The following IWS1 variants were observed in gnomAD, a reference collection of about 807,000 sequenced individuals.
The protein encoded by IWS1 is interacts with SUPT6H, CTD assembly factor 1.
IWS1 carries 27 observed loss-of-function variants against 86.7 expected under a neutral mutation model. That is an observed-to-expected ratio of 0.31 (90% CI 0.23 to 0.43). The LOEUF (loss-of-function observed/expected upper bound fraction) is 0.43. Among genes scored for constraint, IWS1 ranks in the 20% least tolerant of loss-of-function variants. The pLI, the probability that IWS1 is intolerant of heterozygous loss-of-function variation, is 1.00. For synonymous variants in IWS1, 313 were observed against 335.1 expected (o/e 0.93, Z 0.72); for missense variants, 827 against 1,000.8 (o/e 0.83, Z 2.34).
At chr2:127,513,615 C>T (rs1033400795) in intron 2 of IWS1, among the ~76,000 whole-genome samples, 1 of 152,102 alleles carries the variant, frequency 6.6e-6, no homozygotes, top group African/African-American at 2.4e-5. Flanking sequence ...AAGGGTTCTT[C>T]GCAAGGTTCT....
chr2:127,523,854 G>A (rs1692242784), intron 1 of IWS1, 63 bp from the exon 2 acceptor site: 5 of 1,061,760 alleles, frequency 4.7e-6, no homozygotes, highest in African/African-American at 3.2e-5. Context: ...ACAGTGAAAT[G>A]AACACACTGA....
chr2:127,509,389 C>T (rs1444336137), intron 2 of IWS1, among the ~76,000 whole-genome samples: 3 of 152,128 alleles, frequency 2.0e-5, no homozygotes, highest in African/African-American at 7.2e-5. Flanking sequence ...ATTGAGCACT[C>T]AGAAGGTCCT....
rs374766966 is a variant in IWS1, at chr2:127,505,265, C to T, written c.638G>A (p.Ser213Asn). 6.2e-6 allele frequency: 10 copies of T among 1,613,614 alleles called. No individual in the cohort carries two copies. In the African/African-American group the frequency reaches 1.3e-4, roughly 22 times the overall value. The change falls in exon 3 of 14, where the codon AGT becomes AAT. Residue 213 changes from serine to asparagine, a missense_variant. By Grantham distance (46) the Ser-to-Asn change is conservative (BLOSUM62 1). Transcript: ENST00000295321. The surrounding 1 kb of genome is among the most constrained non-coding windows in gnomAD (Gnocchi z 5.0). ...PPKPRMSDSE[S>N]EELPKPQVSD... ...GACCTGAGGTTTAGGAAGCTCCTCA[C>T]TTTCAGAATCACTCATTCGAGGTTT... is the stretch of plus-strand genomic sequence containing the variant.
At chr2:127,515,052 A>C (rs1038087976) in intron 2 of IWS1, 2 of 152,244 alleles carry the variant, frequency 1.3e-5, no homozygotes, top group African/African-American at 4.8e-5. Flanking sequence ...AGCAATTCCA[A>C]TAGCTGCATT....
At position 127,505,342 on chromosome 2, in the gene IWS1, A is replaced by C. The variant is rs770409238; in HGVS notation, c.561T>G (p.Ser187Arg). The C allele has an allele frequency of 1.6e-5, 26 of 1,613,688 alleles. No homozygotes were observed. The highest frequency in any genetic ancestry group is 2.7e-5 in the African/African-American group (2 of 74,798). The change falls in exon 3 of 14, where the codon AGT (serine) becomes AGG (arginine). Residue 187 changes from serine (S) to arginine (R), a missense_variant. Around this residue, in one of 2 missense-constraint regions of IWS1, gnomAD observed 548 missense variants for 560.2 expected, o/e 0.98. Coordinates refer to ENST00000295321, the MANE Select transcript of IWS1 (RefSeq NM_017969.3). The surrounding 1 kb of genome is among the most constrained non-coding windows in gnomAD (Gnocchi z 5.0). Reference sequence around the variant, plus strand: ...TGGCTTGGTGCCTTGGGGGTTCCTCACTCTCAGAGTCACTGATTTGAGGTT... The same window carrying C: ...TGGCTTGGTGCCTTGGGGGTTCCTCCCTCTCAGAGTCACTGATTTGAGGTT... ...ALKPQISDSESEEPPRHQASD... is the reference protein window; with the variant it reads ...ALKPQISDSEREEPPRHQASD...
chr2:127,526,459 T>C lies in IWS1; in HGVS notation c.-251A>G. The C allele has an allele frequency of 6.5e-7, 1 of 1,531,980 alleles. No individual in the cohort carries two copies. The highest frequency in any genetic ancestry group is 1.4e-5 in the African/African-American group (1 of 72,852). 94.9% of individuals were successfully genotyped at this position (1,531,980 alleles called of 1,614,324 possible). ...GCATGCGAGCCGGCGTTCTACTTCC[T>C]AGAAGCACCGCTGGGGCCAAAATGG... On this transcript the variant is annotated 5_prime_UTR_variant, in exon 1 of 14. Transcript: ENST00000295321.
chr2:127,496,022 G>A lies in IWS1; in HGVS notation c.1692C>T (p.Ile564=), dbSNP rs753294967. The A allele has an allele frequency of 2.0e-5, 32 of 1,613,090 alleles. No individual in the cohort carries two copies. The East Asian group carries it at 3.8e-4, about 19-fold the overall frequency. ...CCTCAGCAGCTTCATTCATCTTGACGATCATGGCACTCACGACGTCGTCTG... is the reference window on the plus strand; with the variant it reads ...CCTCAGCAGCTTCATTCATCTTGACAATCATGGCACTCACGACGTCGTCTG... ...SDADDVVSAM[I]VKMNEAAEED... Residue 564 remains isoleucine, a synonymous_variant, in exon 7 of 14, where the codon ATC becomes ATT. Coordinates refer to ENST00000295321, the MANE Select transcript of IWS1 (RefSeq NM_017969.3).
chr2:127,487,999 T>A (rs1690021113), intron 12 of IWS1: 2 of 152,492 alleles, frequency 1.3e-5, no homozygotes, highest in South Asian at 4.1e-4. Context: ...TCCCCTATTC[T>A]CTTCTTGCAA....
chr2:127,481,329 G>C (rs994336135), intron 13 of IWS1, among the ~76,000 whole-genome samples, 154 bp from the exon 14 acceptor site: 1 of 152,080 alleles, frequency 6.6e-6, no homozygotes, highest in Non-Finnish European at 1.5e-5. Flanking sequence ...AACAAAGCAA[G>C]TATAGATGGT....
chr2:127,512,695 A>T (rs1351818203), intron 2 of IWS1, among the ~76,000 whole-genome samples: 1 of 152,208 alleles, frequency 6.6e-6, no homozygotes, highest in African/African-American at 2.4e-5. Flanking sequence ...CTTGGCTACT[A>T]AGCCCATCCT....
At chr2:127,514,002 T>TA (rs1474365694) in intron 2 of IWS1, among the ~76,000 whole-genome samples, 1 of 152,240 alleles carries the variant, frequency 6.6e-6, no homozygotes, top group African/African-American at 2.4e-5. Context: ...ACTGAGCTGC[T>TA]AAAGCACCTG....
In IWS1 at chr2:127,494,874, C is replaced by A; in HGVS notation, c.1797G>T (p.Lys599Asn). 6.4e-7 allele frequency: 1 copy of A among 1,567,382 alleles called. No individual in the cohort carries two copies. The highest frequency in any genetic ancestry group is 1.2e-5 in the South Asian group (1 of 83,450). Residue 599 changes from lysine (K) to asparagine (N), a missense_variant and splice_region_variant, in exon 8 of 14, where the codon AAG becomes AAT. By Grantham distance (94) the Lys-to-Asn change is moderately conservative. Transcript: ENST00000295321. ...TTTAAAGAAAACAAAATACTTACTT[C>A]TTAAGGTGCATAACTACAGCAGGCA... ...TLLPAVVMHL[K>N]KQDLKETFID...
In IWS1 at chr2:127,519,019, C is replaced by T. The variant is rs147235018; in HGVS notation, c.150+4657G>A. Reference sequence around the variant, plus strand: ...GACCAACACAGCATTGTTACTGATCCTAACTTTAAAGATTTTGATATTTTG... The same window carrying T: ...GACCAACACAGCATTGTTACTGATCTTAACTTTAAAGATTTTGATATTTTG... On this transcript the variant is annotated intron_variant, in intron 2 of 13. Coordinates refer to ENST00000295321, the MANE Select transcript of IWS1 (RefSeq NM_017969.3). Among the ~76,000 whole-genome samples the T allele has an allele frequency of 7.5e-4, 114 of 152,192 alleles. 1 individual carries two copies. The highest frequency in any genetic ancestry group is 2.7e-3 in the African/African-American group (112 of 41,528).
At chr2:127,498,820 C>T (rs772405823) in intron 5 of IWS1, 7 of 152,138 alleles carry the variant, frequency 4.6e-5, no homozygotes, top group Non-Finnish European at 8.8e-5. Context: ...GATGGAAAAA[C>T]AAATCTCAGG....
chr2:127,489,296 A>G lies in IWS1; in HGVS notation c.2160-61T>C, dbSNP rs913375853. ...TTAGAACCTAATAACTCAGAAAAAG[A>G]GCAAACTAAAAATCAAACTTAGACC... is the stretch of plus-strand genomic sequence containing the variant. On this transcript the variant is annotated intron_variant, in intron 11 of 13. Coordinates refer to ENST00000295321, the MANE Select transcript of IWS1 (RefSeq NM_017969.3). This position sits in a 1 kb window ranked among gnomAD's most constrained non-coding sequence, Gnocchi z 4.8. 1.6e-6 allele frequency: 2 copies of G among 1,246,640 alleles called. No individual in the cohort carries two copies. Among genetic ancestry groups the G allele is most frequent in the Non-Finnish European group, 2.3e-6 (2 of 863,976 alleles). The allele number at this position is 1,246,640 out of a possible 1,614,324, so 77.2% of individuals were successfully genotyped here.
At chr2:127,487,741 G>A (rs1690002579) in intron 12 of IWS1, among the ~76,000 whole-genome samples, 1 of 152,086 alleles carries the variant, frequency 6.6e-6, no homozygotes, top group Non-Finnish European at 1.5e-5. Context: ...TAGTAGAGAT[G>A]GGGTTTCTCC....
Position 127,481,039 on chromosome 2 carries a change from C to T in IWS1, c.*5G>A, listed in dbSNP as rs1689597290. 2 of 1,603,286 alleles carry T rather than the reference C, an allele frequency of 1.2e-6. No individual in the cohort carries two copies. The highest frequency in any genetic ancestry group is 3.5e-5 in the Admixed American group (2 of 56,932). ...AGTAGAGATGGGGACACATTCCAGGCAAGGTCACAATGGCATTTTGTTGCC... is the reference window on the plus strand; with the variant it reads ...AGTAGAGATGGGGACACATTCCAGGTAAGGTCACAATGGCATTTTGTTGCC... On this transcript the variant is annotated 3_prime_UTR_variant, in exon 14 of 14. Transcript: ENST00000295321.
rs776729957 is a variant in IWS1, at chr2:127,504,975, C to A, written c.928G>T (p.Gly310Trp). 1.2e-6 allele frequency: 2 copies of A among 1,613,924 alleles called. No individual in the cohort carries two copies. The highest frequency in any genetic ancestry group is 4.5e-5 in the East Asian group (2 of 44,878). Residue 310 changes from glycine (G) to tryptophan (W), a missense_variant, in exon 3 of 14, where the codon GGG (glycine) becomes TGG (tryptophan). Transcript: ENST00000295321. ...TCAGTTTCTGAGTCACTGGCAGGCC[C>A]CTTCTGAGGCCCCTCACTCTCAGAG... ...SDSESEGPQKGPASDSETEDA... is the reference protein window; with the variant it reads ...SDSESEGPQKWPASDSETEDA...
intron 8 of IWS1, among the ~76,000 whole-genome samples, chr2:127,494,245 T>TAAAAAAAAAAAAAAAAAAAA (rs11327472): frequency 1.1e-5 from 1 of 94,090 alleles, no homozygotes; most frequent in Non-Finnish European, 2.0e-5. Context: ...TGTCTCTAAT[T>TAAAAAAAAAAAAAAAAAAAA]AAAAAAAAAA....
Sources: allele counts gnomAD v4.1 joint callset (sites outside exome capture counted in the v4.1 genomes callset), GRCh38; gene constraint gnomAD v4.1.1; regional missense constraint gnomAD v4.1.1; non-coding constraint Gnocchi (gnomAD v3.1); transcripts MANE v1.5; gene names NCBI Gene and HGNC (gene_info 2026-07-23, HGNC 2026-07-21).